Variants in SIPA1L2 observed in about 807,000 individuals in gnomAD.
The protein encoded by SIPA1L2 is signal induced proliferation associated 1 like 2, also known as signal-induced proliferation-associated 1-like protein 2.
A neutral mutation model predicts 163.9 loss-of-function variants in SIPA1L2; 56 were observed. The observed-to-expected ratio is 0.34, with a 90% CI of 0.28 to 0.43. The LOEUF (loss-of-function observed/expected upper bound fraction) is 0.43. Ranked by LOEUF, SIPA1L2 falls within the 20% of genes least tolerant of loss-of-function variation. The pLI is 1.00. For missense variants in SIPA1L2, 1,974 were observed against 2,193.5 expected (o/e 0.90, Z 2.00); for synonymous variants, 877 against 865.7 (o/e 1.01, Z -0.23).
At chr1:232,448,156 A>T (rs1198579745) in intron 10 of SIPA1L2, among the ~76,000 whole-genome samples, 8 of 152,212 alleles carry the variant, frequency 5.3e-5, no homozygotes, top group Admixed American at 5.2e-4. Flanking sequence ...AGCCTAAAAT[A>T]TATGATTTAA....
chr1:232,501,048 G>GTTTTTTTTTTTTT (rs1421294418), intron 3 of SIPA1L2, among the ~76,000 whole-genome samples: 6 of 58,448 alleles, frequency 1.0e-4, no homozygotes, highest in Admixed American at 2.1e-4. Flanking sequence ...TAGCAATGAA[G>GTTTTTTTTTTTTT]TATTTTTTTT....
intron 10 of SIPA1L2, among the ~76,000 whole-genome samples, chr1:232,449,376 G>A (rs1663417137): frequency 6.6e-6 from 1 of 152,014 alleles, no homozygotes; most frequent in African/African-American, 2.4e-5. Flanking sequence ...AAATTGGCCG[G>A]GCACGGTGGT....
chr1:232,437,439 T>C (rs565503525), intron 15 of SIPA1L2, among the ~76,000 whole-genome samples: 3 of 152,360 alleles, frequency 2.0e-5, no homozygotes, highest in Admixed American at 1.3e-4. Flanking sequence ...AGTCAAATTA[T>C]TAAATAGAAC....
intron 1 of SIPA1L2, among the ~76,000 whole-genome samples, chr1:232,595,207 T>C (rs1042529539): frequency 6.6e-6 from 1 of 152,210 alleles, no homozygotes; most frequent in South Asian, 2.1e-4. Flanking sequence ...TGGCCCTCAG[T>C]GTCTTCCCAG....
chr1:232,454,397 T>C (rs887489919), intron 10 of SIPA1L2, among the ~76,000 whole-genome samples: 7 of 152,218 alleles, frequency 4.6e-5, no homozygotes, highest in African/African-American at 1.4e-4. Flanking sequence ...CAGGGGCAGA[T>C]GGTATCTTTG....
chr1:232,537,563 G>A (rs973295189), intron 2 of SIPA1L2, among the ~76,000 whole-genome samples: 1 of 152,160 alleles, frequency 6.6e-6, no homozygotes, highest in Admixed American at 6.5e-5. Flanking sequence ...AAAAATCCCT[G>A]AAGCTTTGGT....
At chr1:232,456,308 C>T (rs1663914984) in intron 10 of SIPA1L2, among the ~76,000 whole-genome samples, 1 of 152,146 alleles carries the variant, frequency 6.6e-6, no homozygotes, top group Admixed American at 6.5e-5. Context: ...ACTCTCCTCT[C>T]TGCATACTTC....
chr1:232,445,604 T>C lies in SIPA1L2; in HGVS notation c.3278A>G (p.Gln1093Arg). ...AGCCTGGGCCTGCTGGAGCAGCTGT[T>C]GGCACGGCAGCCGGTCGGGCGTGCC... ...IPGTPDRLPC[Q>R]QLLQQAQAAI... The change falls in exon 11 of 23, where the codon CAA becomes CGA. Residue 1093 changes from glutamine to arginine, a missense_variant. Transcript: ENST00000674635. The C allele has an allele frequency of 3.1e-6, 5 of 1,613,826 alleles. No individual in the cohort carries two copies. Among genetic ancestry groups the C allele is most frequent in the Non-Finnish European group, 4.2e-6 (5 of 1,179,996 alleles).
At chr1:232,438,054 GTTTC>G (rs1483348112) in intron 15 of SIPA1L2, among the ~76,000 whole-genome samples, 1 of 152,122 alleles carries the variant, frequency 6.6e-6, no homozygotes, top group Non-Finnish European at 1.5e-5. Context: ...TCAGCATGGA[GTTTC>G]TTTAACTTGT....
intron 1 of SIPA1L2, among the ~76,000 whole-genome samples, chr1:232,593,047 C>T (rs1242611333): frequency 6.6e-6 from 1 of 151,654 alleles, no homozygotes; most frequent in Admixed American, 6.6e-5. Context: ...CAAGTAAATC[C>T]AAATGACTTA....
chr1:232,490,718 A>G (rs1665882798), intron 5 of SIPA1L2, 156 bp downstream of exon 5: 1 of 766,494 alleles, frequency 1.3e-6, no homozygotes, highest in Non-Finnish European at 2.0e-6. Flanking sequence ...ATGTTTCCAA[A>G]CTAGTATAAA....
chr1:232,403,245 G>A (rs1422299090), intron 21 of SIPA1L2, among the ~76,000 whole-genome samples: 1 of 152,218 alleles, frequency 6.6e-6, no homozygotes, highest in Non-Finnish European at 1.5e-5. Context: ...TGGAGCAGAG[G>A]GGTCATGCAG....
At chr1:232,616,761 A>T (rs184720376) in intron 1 of SIPA1L2, among the ~76,000 whole-genome samples, 1 of 152,208 alleles carries the variant, frequency 6.6e-6, no homozygotes, top group African/African-American at 2.4e-5. Context: ...CACATTCCAC[A>T]TGCAAAACCA....
At chr1:232,399,888 T>C (rs1052689598) in intron 22 of SIPA1L2, among the ~76,000 whole-genome samples, 2 of 152,150 alleles carry the variant, frequency 1.3e-5, no homozygotes, top group Admixed American at 1.3e-4. Context: ...CCTAAATGAA[T>C]AGAGGGGTCA....
chr1:232,603,343 T>C (rs1040040320), intron 1 of SIPA1L2, among the ~76,000 whole-genome samples: 2 of 151,948 alleles, frequency 1.3e-5, no homozygotes, highest in African/African-American at 4.8e-5. Context: ...AGATGCCACT[T>C]AGGGAGGTGT....
At chr1:232,441,565 A>G (rs1371499878) in intron 13 of SIPA1L2, among the ~76,000 whole-genome samples, 171 bp from the exon 14 acceptor site, 2 of 152,212 alleles carry the variant, frequency 1.3e-5, no homozygotes, top group Non-Finnish European at 2.9e-5. Flanking sequence ...CCACCACCAT[A>G]AAGTGTTCAC....
At position 232,403,561 on chromosome 1, in the gene SIPA1L2, C is replaced by T; in HGVS notation, c.4827G>A (p.Val1609=). ...CHHTSYLDQR[V]ASFCTLTDMQ... ...TATCTGTCAGGGTGCAGAAGGATGC[C>T]ACCCTCTGGTCTGGGGAGGGGAGAA... is the stretch of plus-strand genomic sequence containing the variant. The change falls in exon 21 of 23, where the codon GTG becomes GTA. Residue 1609 remains valine, a synonymous_variant. Transcript: ENST00000674635. 1.2e-6 allele frequency: 2 copies of T among 1,613,316 alleles called. No individual in the cohort carries two copies. Among genetic ancestry groups the T allele is most frequent in the Non-Finnish European group, 1.7e-6 (2 of 1,179,600 alleles).
intron 19 of SIPA1L2, 129 bp from the exon 20 acceptor site, chr1:232,404,307 G>A (rs894869930): frequency 1.4e-6 from 1 of 720,882 alleles, no homozygotes; most frequent in Non-Finnish European, 2.4e-6. Flanking sequence ...ACCCTTGAGA[G>A]CCAGTATCAT....
At position 232,443,621 on chromosome 1, in the gene SIPA1L2, G is replaced by A. The variant is rs746033048; in HGVS notation, c.3418C>T (p.Pro1140Ser). ...PGPGGSGPWR[P>S]QVGYDGCQSP... The stretch of plus-strand genomic sequence containing the variant: ...CAGTACCCGTCGTAGCCCACTTGTG[G>A]TCTCCAGGGTCCGCTCCCGCCGGGT... The change falls in exon 12 of 23, where the codon CCA becomes TCA. Residue 1140 changes from proline to serine, a missense_variant. By Grantham distance (74) the Pro-to-Ser change is moderately conservative (BLOSUM62 -1). Coordinates refer to ENST00000674635, the MANE Select transcript of SIPA1L2 (RefSeq NM_020808.5). 6.2e-7 allele frequency: 1 copy of A among 1,606,870 alleles called. No individual in the cohort carries two copies. The highest frequency in any genetic ancestry group is 1.1e-5 in the South Asian group (1 of 89,566).
Sources: allele counts gnomAD v4.1 joint callset (sites outside exome capture counted in the v4.1 genomes callset), GRCh38; gene constraint gnomAD v4.1.1; transcripts MANE v1.5; gene names NCBI Gene and HGNC (gene_info 2026-07-23, HGNC 2026-07-21).